The following ELAVL4 variants were observed in gnomAD, a reference collection of about 807,000 sequenced individuals.
ELAVL4 encodes the protein ELAV-like protein 4.
Under a neutral mutation model 35.6 loss-of-function variants are expected in ELAVL4, and 1 was observed. The ratio of observed to expected loss-of-function variants is 0.03; its 90% CI spans 0.01 to 0.13. The LOEUF is 0.13. ELAVL4 is among the 10% of genes least tolerant of loss of function. The pLI is 1.00. For synonymous variants in ELAVL4, 156 were observed against 171.0 expected, an observed-to-expected ratio of 0.91 and a Z score of 0.69; for missense variants, 267 against 464.9, an observed-to-expected ratio of 0.57 and a Z score of 3.91.
chr1:50,171,206 A>T (rs1349360059), intron 2 of ELAVL4, among the ~76,000 whole-genome samples: 2 of 152,190 alleles, frequency 1.3e-5, no homozygotes, highest in East Asian at 1.9e-4. Flanking sequence ...TAGGTGCTCC[A>T]GAACCCCAAG....
chr1:50,199,651 T>A (rs1195443009), intron 6 of ELAVL4, among the ~76,000 whole-genome samples: 1 of 149,584 alleles, frequency 6.7e-6, no homozygotes, highest in Non-Finnish European at 1.5e-5. Context: ...GAGGTTACAA[T>A]GAGCCAAGAT....
chr1:50,150,979 T>C (rs2148713367), intron 2 of ELAVL4, among the ~76,000 whole-genome samples: 2 of 152,366 alleles, frequency 1.3e-5, no homozygotes, highest in South Asian at 4.1e-4. Flanking sequence ...AGAATCATAA[T>C]GGCCAATGCT....
At chr1:50,091,498 C>G (rs1262986557) in intron 1 of ELAVL4, among the ~76,000 whole-genome samples, 1 of 152,120 alleles carries the variant, frequency 6.6e-6, no homozygotes. Context: ...GTTTAGACCT[C>G]AAGAGTTGAA....
intron 1 of ELAVL4, among the ~76,000 whole-genome samples, chr1:50,120,199 A>G (rs1304670195): frequency 6.6e-6 from 1 of 151,934 alleles, no homozygotes; most frequent in Non-Finnish European, 1.5e-5. Flanking sequence ...GTCTCAGCAG[A>G]GGAGGTACAA....
At chr1:50,118,503 AGAGAG>A (rs1479886998) in intron 1 of ELAVL4, among the ~76,000 whole-genome samples, 5 of 150,794 alleles carry the variant, frequency 3.3e-5, no homozygotes, top group African/African-American at 9.8e-5. Context: ...GGAAAAAAAA[AGAGAG>A]AGAGAGAAAA....
At chr1:50,179,477 C>G (rs556633183) in intron 3 of ELAVL4, 2 of 152,128 alleles carry the variant, frequency 1.3e-5, no homozygotes, top group South Asian at 4.2e-4. Context: ...AAAGCAAACC[C>G]CTTTTGTATG....
intron 1 of ELAVL4, among the ~76,000 whole-genome samples, chr1:50,132,071 C>T (rs899920059): frequency 3.3e-5 from 5 of 152,040 alleles, no homozygotes; most frequent in South Asian, 2.1e-4. Context: ...GTAAGTATTC[C>T]GATACTTGTG....
intron 1 of ELAVL4, among the ~76,000 whole-genome samples, chr1:50,073,202 C>T (rs1444011956): frequency 6.6e-6 from 1 of 152,118 alleles, no homozygotes; most frequent in Admixed American, 6.5e-5. Flanking sequence ...GAGGAAGAAA[C>T]ATTCTGCCAG....
intron 1 of ELAVL4, among the ~76,000 whole-genome samples, chr1:50,137,857 C>A (rs1472090360): frequency 1.3e-5 from 2 of 152,120 alleles, no homozygotes; most frequent in Admixed American, 1.3e-4. Flanking sequence ...TGGTTTTTAT[C>A]TTTCTCCTTG....
At chr1:50,077,902 C>T (rs998879898) in intron 1 of ELAVL4, among the ~76,000 whole-genome samples, 2 of 152,136 alleles carry the variant, frequency 1.3e-5, no homozygotes, top group African/African-American at 2.4e-5. Flanking sequence ...TTGCTGCACA[C>T]AGATTCCCTG....
chr1:50,048,739 C>A (rs1243450750), intron 1 of ELAVL4, among the ~76,000 whole-genome samples: 1 of 152,204 alleles, frequency 6.6e-6, no homozygotes. Context: ...CTCTATTACA[C>A]CCCGCTGTGG....
At chr1:50,127,387 G>C (rs2148620413) in intron 1 of ELAVL4, among the ~76,000 whole-genome samples, 1 of 152,236 alleles carries the variant, frequency 6.6e-6, no homozygotes, top group South Asian at 2.1e-4. Flanking sequence ...GGAGTTGTCT[G>C]AAGCTATGTA....
Position 50,201,119 on chromosome 1 carries a change from C to T in ELAVL4, c.1042C>T (p.Arg348Cys), listed in dbSNP as rs1437298847. ...GGCCATCGCCAGCCTCAACGGGTAC[C>T]GCCTGGGAGACAGAGTGTTGCAAGT... ...AMAIASLNGY[R>C]LGDRVLQVSF... Residue 348 changes from arginine (R) to cysteine (C), a missense_variant, in exon 7 of 7, where the codon CGC becomes TGC. Coordinates refer to ENST00000371824, the MANE Select transcript of ELAVL4 (RefSeq NM_001144774.3). This position sits in a 1 kb window ranked among gnomAD's most constrained non-coding sequence, Gnocchi z 4.3. 5.0e-6 allele frequency: 8 copies of T among 1,613,098 alleles called. No individual in the cohort carries two copies. The highest frequency in any genetic ancestry group is 5.9e-6 in the Non-Finnish European group (7 of 1,179,478).
chr1:50,148,668 T>G (rs1179866445), intron 2 of ELAVL4, among the ~76,000 whole-genome samples: 2 of 152,164 alleles, frequency 1.3e-5, no homozygotes, highest in East Asian at 3.9e-4. Context: ...AGCTAAGTCT[T>G]TAGCTTTTCT....
At chr1:50,185,928 C>A (rs973578910) in intron 3 of ELAVL4, among the ~76,000 whole-genome samples, 1 of 152,126 alleles carries the variant, frequency 6.6e-6, no homozygotes, top group Non-Finnish European at 1.5e-5. Context: ...GAGACTGAAT[C>A]TGGGGCCCTG....
intron 1 of ELAVL4, among the ~76,000 whole-genome samples, chr1:50,087,280 T>C (rs12118317): frequency 0.096 from 14,594 of 152,074 alleles, 951 homozygotes; most frequent in African/African-American, 0.18. Flanking sequence ...AGCAGAGAGG[T>C]ACAGAAAGGG....
chr1:50,138,363 T>C (rs1046688153), intron 1 of ELAVL4, among the ~76,000 whole-genome samples: 8 of 152,126 alleles, frequency 5.3e-5, no homozygotes, highest in Non-Finnish European at 8.8e-5. Flanking sequence ...TCTGAGGATA[T>C]AGGGCCAAGG....
chr1:50,108,501 C>A (rs527518856), upstream of ELAVL4, among the ~76,000 whole-genome samples: 1 of 152,236 alleles, frequency 6.6e-6, no homozygotes, highest in African/African-American at 2.4e-5. Flanking sequence ...AAGCAACTGT[C>A]TAGAAAGATA....
chr1:50,188,417 C>T (rs1269234348), intron 3 of ELAVL4, among the ~76,000 whole-genome samples: 3 of 152,278 alleles, frequency 2.0e-5, no homozygotes, highest in East Asian at 1.9e-4. Flanking sequence ...ATAGAGGCCA[C>T]GTCATTACTC....
Sources: gnomAD v4.1 joint callset for allele counts (sites outside exome capture counted in the v4.1 genomes callset) on GRCh38, gnomAD v4.1.1 for gene constraint, Gnocchi (gnomAD v3.1) non-coding constraint, MANE v1.5 for transcripts, NCBI Gene and HGNC (gene_info 2026-07-23, HGNC 2026-07-21) for gene names.